XYLT1: variants seen among roughly 807,000 people sequenced by gnomAD.
The protein encoded by XYLT1 is beta-D-xylosyltransferase 1.
A neutral mutation model predicts 91.3 loss-of-function variants in XYLT1; 36 were observed. The observed-to-expected ratio is 0.39, with a 90% CI of 0.30 to 0.52. The LOEUF (loss-of-function observed/expected upper bound fraction) is 0.52. Ranked by LOEUF, XYLT1 falls within the 20% of genes least tolerant of loss-of-function variation. The pLI, the probability that XYLT1 is intolerant of heterozygous loss-of-function variation, is 0.68. For missense variants in XYLT1, 1,242 were observed against 1,284.5 expected, an observed-to-expected ratio of 0.97 and a Z score of 0.51; for synonymous variants, 588 against 532.0, an observed-to-expected ratio of 1.11 and a Z score of -1.45.
chr16:17,249,383 C>A (rs1187322014), intron 3 of XYLT1, among the ~76,000 whole-genome samples: 1 of 152,142 alleles, frequency 6.6e-6, no homozygotes, highest in Non-Finnish European at 1.5e-5. Flanking sequence ...ATCTTCTTTC[C>A]CAGTGAGGGC....
chr16:17,329,013 C>G (rs758394533), intron 2 of XYLT1, among the ~76,000 whole-genome samples: 2 of 152,198 alleles, frequency 1.3e-5, no homozygotes, highest in Non-Finnish European at 2.9e-5. Flanking sequence ...CACAGGCCTT[C>G]TTAGAACAGT....
At chr16:17,380,563 T>C (rs2035667260) in intron 1 of XYLT1, among the ~76,000 whole-genome samples, 1 of 152,188 alleles carries the variant, frequency 6.6e-6, no homozygotes, top group Admixed American at 6.5e-5. Flanking sequence ...CATTCACAGA[T>C]GGAGGGATAA....
rs182073124 is a variant in XYLT1 at position 17,114,938 on chromosome 16, G to A, written c.2557+2708C>T. Among the ~76,000 whole-genome samples the A allele has an allele frequency of 2.5e-3, 380 of 152,010 alleles. 1 individual carries two copies. The highest frequency in any genetic ancestry group is 0.01 in the Middle Eastern group (3 of 294). On this transcript the variant is annotated intron_variant, in intron 11 of 11. Transcript: ENST00000261381. ...CAGTTCACTGCAAGCTCCGCTTCCC[G>A]GGTTCACGCCATTCTCCTGCCTCAG...
intron 3 of XYLT1, among the ~76,000 whole-genome samples, chr16:17,235,956 T>C (rs2033241052): frequency 6.6e-6 from 1 of 152,080 alleles, no homozygotes; most frequent in Admixed American, 6.5e-5. Context: ...AACTTCTATC[T>C]CCCGGGTTCA....
intron 1 of XYLT1, among the ~76,000 whole-genome samples, chr16:17,451,636 G>A (rs1357277570): frequency 6.6e-6 from 1 of 152,216 alleles, no homozygotes; most frequent in Non-Finnish European, 1.5e-5. Flanking sequence ...GTGACACACA[G>A]TAGATTATCA....
rs551764267 is a variant in XYLT1 at position 17,379,117 on chromosome 16, G to A, written c.364-21067C>T. On this transcript the variant is annotated intron_variant, in intron 1 of 11. Transcript: ENST00000261381. ...AAAAGTGCATATTTCTTCCAGAATT[G>A]TCAGAGGCCAGCAGATCTTCCTGCA... is the stretch of plus-strand genomic sequence containing the variant. Among the ~76,000 whole-genome samples, 18 of 152,278 alleles carry A rather than the reference G, an allele frequency of 1.2e-4. No individual in the cohort carries two copies. The South Asian group carries it at 1.2e-3, about 11-fold the overall frequency.
intron 3 of XYLT1, among the ~76,000 whole-genome samples, chr16:17,218,452 G>A (rs920554789): frequency 3.9e-4 from 60 of 151,906 alleles, no homozygotes; most frequent in African/African-American, 1.4e-3. Context: ...GTAATTCAGG[G>A]CCACTGGGTA....
intron 2 of XYLT1, among the ~76,000 whole-genome samples, chr16:17,357,199 ACG>A (rs2035312999): frequency 1.4e-5 from 2 of 147,742 alleles, no homozygotes; most frequent in Admixed American, 1.4e-4. Context: ...AAAAAAAAAA[ACG>A]CTACCACTCA....
rs534860303 is a variant in XYLT1 at position 17,215,954 on chromosome 16, G to GT, written c.914-15301_914-15300insA. Among the ~76,000 whole-genome samples the GT allele has an allele frequency of 7.9e-3, 1,209 of 152,272 alleles. 12 individuals carry two copies. Among genetic ancestry groups the GT allele is most frequent in the Non-Finnish European group, 0.011 (750 of 68,014 alleles). ...GGCTTGTTATCCATGGTTGAGGAGT[G>GT]GGTGGCAGGCAGGACACATTTTGAA... is the stretch of plus-strand genomic sequence containing the variant. On this transcript the variant is annotated intron_variant, in intron 3 of 11. Transcript: ENST00000261381.
intron 2 of XYLT1, among the ~76,000 whole-genome samples, chr16:17,306,602 A>G (rs2034474946): frequency 6.6e-6 from 1 of 151,694 alleles, no homozygotes; most frequent in Admixed American, 6.6e-5. Flanking sequence ...AGTAAGATAC[A>G]ATTCCTCTAT....
chr16:17,463,470 A>T (rs2036848002), intron 1 of XYLT1, among the ~76,000 whole-genome samples: 1 of 152,258 alleles, frequency 6.6e-6, no homozygotes, highest in Non-Finnish European at 1.5e-5. Flanking sequence ...ATATAAAAAA[A>T]TGCACAGCAT....
chr16:17,177,389 T>C (rs1369215018), intron 5 of XYLT1, among the ~76,000 whole-genome samples: 1 of 152,198 alleles, frequency 6.6e-6, no homozygotes, highest in Non-Finnish European at 1.5e-5. Context: ...TATGCATGTC[T>C]GTTTCCTGCA....
intron 2 of XYLT1, among the ~76,000 whole-genome samples, chr16:17,278,730 G>A (rs1031682401): frequency 4.6e-5 from 7 of 152,272 alleles, no homozygotes; most frequent in African/African-American, 7.2e-5. Flanking sequence ...GATATTATCC[G>A]ATGAGATAGA....
intron 5 of XYLT1, among the ~76,000 whole-genome samples, chr16:17,168,563 T>C (rs2031752617): frequency 1.3e-5 from 2 of 151,922 alleles, no homozygotes; most frequent in Non-Finnish European, 2.9e-5. Context: ...GGAGCAAACC[T>C]GCACACGTAC....
chr16:17,376,303 C>A (rs1006191965), intron 1 of XYLT1, among the ~76,000 whole-genome samples: 6 of 152,192 alleles, frequency 3.9e-5, no homozygotes, highest in African/African-American at 1.2e-4. Context: ...GATCCTTTAT[C>A]CAGCCCCAAA....
At chr16:17,467,396 T>G (rs978885055) in intron 1 of XYLT1, among the ~76,000 whole-genome samples, 1 of 152,170 alleles carries the variant, frequency 6.6e-6, no homozygotes, top group African/African-American at 2.4e-5. Context: ...TTTCCTCCCT[T>G]TATAAGGGAG....
intron 9 of XYLT1, among the ~76,000 whole-genome samples, chr16:17,134,138 A>G (rs527622472): frequency 1.9e-4 from 29 of 151,730 alleles, no homozygotes; most frequent in Middle Eastern, 3.4e-3. Flanking sequence ...TTTTCCATCA[A>G]AAAAAGTTTT....
chr16:17,248,702 A>G (rs2033484551), intron 3 of XYLT1, among the ~76,000 whole-genome samples: 1 of 150,848 alleles, frequency 6.6e-6, no homozygotes, highest in Non-Finnish European at 1.5e-5. Flanking sequence ...ATAAAACACA[A>G]CTATGCAACT....
chr16:17,227,293 C>T (rs1276992405), intron 3 of XYLT1: 1 of 152,348 alleles, frequency 6.6e-6, no homozygotes, highest in African/African-American at 2.4e-5. Flanking sequence ...CAGGCAGACA[C>T]ACTTGGGGAA....
Sources: allele counts gnomAD v4.1 joint callset (sites outside exome capture counted in the v4.1 genomes callset), GRCh38; gene constraint gnomAD v4.1.1; transcripts MANE v1.5; gene names NCBI Gene and HGNC (gene_info 2026-07-23, HGNC 2026-07-21).